The following KLF8 variants were observed in gnomAD, a reference collection of about 807,000 sequenced individuals.
The protein encoded by KLF8 is Krueppel-like factor 8.
A neutral mutation model predicts 18.2 loss-of-function variants in KLF8; 10 were observed. The observed-to-expected ratio is 0.55, with a 90% CI of 0.34 to 0.93. The LOEUF is 0.93. Ranked by LOEUF, KLF8 falls within the 40% of genes least tolerant of loss-of-function variation. KLF8 has a pLI of 0.02. For missense variants in KLF8, 264 were observed against 277.9 expected, an observed-to-expected ratio of 0.95 and a Z score of 0.36; for synonymous variants, 109 against 97.3, an observed-to-expected ratio of 1.12 and a Z score of -0.71.
At chrX:55,912,099 G>GAA in the KLF8 span, among the ~76,000 whole-genome samples, 1 of 111,450 alleles carries the variant, frequency 9.0e-6, no homozygotes, top group Admixed American at 9.5e-5. Flanking sequence ...TATGGTGCTT[G>GAA]GACCAGCAGC....
the KLF8 span, among the ~76,000 whole-genome samples, chrX:56,048,041 G>A: frequency 8.9e-6 from 1 of 112,083 alleles, no homozygotes; most frequent in East Asian, 2.8e-4. Flanking sequence ...TTTTTCATGT[G>A]TTTTTTGGCT....
At chrX:56,072,271 CT>C in the KLF8 span, among the ~76,000 whole-genome samples, 1 of 111,687 alleles carries the variant, frequency 9.0e-6, no homozygotes, top group Non-Finnish European at 1.9e-5. Flanking sequence ...TAATCAAGAA[CT>C]TTTGATTAAA....
At chrX:56,191,546 T>G in the KLF8 span, among the ~76,000 whole-genome samples, 2 of 111,187 alleles carry the variant, frequency 1.8e-5, no homozygotes, top group Non-Finnish European at 3.8e-5. Context: ...ATGCAAAAAT[T>G]CTCTAGAAAA....
the KLF8 span, among the ~76,000 whole-genome samples, chrX:55,946,802 C>T: frequency 6.3e-5 from 7 of 111,049 alleles, no homozygotes; most frequent in Non-Finnish European, 1.1e-4. Context: ...AAAAAACAAA[C>T]AACCCCATCA....
At chrX:56,193,731 C>T in the KLF8 span, among the ~76,000 whole-genome samples, 4 of 111,654 alleles carry the variant, frequency 3.6e-5, no homozygotes, top group Non-Finnish European at 7.5e-5. Flanking sequence ...ACACAAACTT[C>T]ACATGTTAAG....
At chrX:56,126,755 T>TC in the KLF8 span, among the ~76,000 whole-genome samples, 1 of 33,513 alleles carries the variant, frequency 3.0e-5, no homozygotes, top group Non-Finnish European at 1.7e-4. Flanking sequence ...TTTCTTTCTT[T>TC]TTTTTTTTTT....
At chrX:56,067,713 G>A in the KLF8 span, among the ~76,000 whole-genome samples, 2 of 112,128 alleles carry the variant, frequency 1.8e-5, no homozygotes, top group African/African-American at 3.2e-5. Flanking sequence ...TGCAAGACTA[G>A]GAATGGGAGA....
chrX:56,179,282 G>A, the KLF8 span, among the ~76,000 whole-genome samples: 2 of 111,619 alleles, frequency 1.8e-5, no homozygotes, highest in African/African-American at 6.5e-5. Context: ...TCATGATTTA[G>A]CTCTCTGTTT....
chrX:56,097,278 G>T, the KLF8 span, among the ~76,000 whole-genome samples: 1 of 109,886 alleles, frequency 9.1e-6, no homozygotes, highest in African/African-American at 3.3e-5. Context: ...CTTTTTGGGA[G>T]ATTGAGGCTG....
At chrX:56,187,489 T>A in the KLF8 span, among the ~76,000 whole-genome samples, 1 of 111,392 alleles carries the variant, frequency 9.0e-6, no homozygotes, top group East Asian at 2.8e-4. Flanking sequence ...TTCCAATCAA[T>A]AGAAAAAGAG....
chrX:56,097,513 TTTATTA>T, the KLF8 span, among the ~76,000 whole-genome samples: 10 of 106,230 alleles, frequency 9.4e-5, no homozygotes, highest in African/African-American at 2.7e-4. Flanking sequence ...CAATCACTCT[TTTATTA>T]TTATTATTAT....
chrX:56,092,082 G>A, the KLF8 span, among the ~76,000 whole-genome samples: 1 of 107,680 alleles, frequency 9.3e-6, no homozygotes, highest in African/African-American at 3.4e-5. Flanking sequence ...GATTGCTGAT[G>A]TTGAGTTTTT....
At chrX:56,281,982 G>T (rs1169560837) in intron 5 of KLF8, among the ~76,000 whole-genome samples, 1 of 112,170 alleles carries the variant, frequency 8.9e-6, no homozygotes, top group Non-Finnish European at 1.9e-5. Context: ...GGGTGTCACT[G>T]CCTTACAAGT....
the KLF8 span, among the ~76,000 whole-genome samples, chrX:56,103,406 C>G: frequency 9.0e-6 from 1 of 111,300 alleles, no homozygotes; most frequent in East Asian, 2.8e-4. Flanking sequence ...GTTTGTAGTT[C>G]TCCTTGAAGA....
the KLF8 span, among the ~76,000 whole-genome samples, chrX:56,223,972 T>C: frequency 9.0e-6 from 1 of 111,194 alleles, no homozygotes; most frequent in Non-Finnish European, 1.9e-5. Context: ...GGTCTCACTA[T>C]ATTGTCCAGG....
chrX:56,188,118 G>C, the KLF8 span, among the ~76,000 whole-genome samples: 3 of 110,938 alleles, frequency 2.7e-5, no homozygotes, highest in Non-Finnish European at 5.7e-5. Flanking sequence ...TGTATATCTA[G>C]AAAACCCCAT....
At chrX:56,086,255 A>T in the KLF8 span, among the ~76,000 whole-genome samples, 1 of 111,760 alleles carries the variant, frequency 8.9e-6, no homozygotes, top group Non-Finnish European at 1.9e-5. Flanking sequence ...TACTTAATTC[A>T]TACTTCAGAA....
chrX:56,137,025 C>T, the KLF8 span, among the ~76,000 whole-genome samples: 1 of 111,516 alleles, frequency 9.0e-6, no homozygotes, highest in Non-Finnish European at 1.9e-5. Context: ...CACTGGCCAT[C>T]AGAGAAATGC....
chrX:56,006,373 G>A, the KLF8 span, among the ~76,000 whole-genome samples: 1 of 111,923 alleles, frequency 8.9e-6, no homozygotes, highest in South Asian at 3.8e-4. Context: ...GTGCATGGTA[G>A]CTCTGTACAT....
Sources: gnomAD v4.1 joint callset for allele counts (sites outside exome capture counted in the v4.1 genomes callset) on GRCh38, gnomAD v4.1.1 for gene constraint, MANE v1.5 for transcripts, NCBI Gene and HGNC (gene_info 2026-07-23, HGNC 2026-07-21) for gene names.